GLIS3: variants seen among roughly 807,000 people sequenced by gnomAD.
The protein encoded by GLIS3 is GLIS family zinc finger 3, also known as zinc finger protein GLIS3.
GLIS3 carries 53 observed loss-of-function variants against 78.6 expected under a neutral mutation model. That is an observed-to-expected ratio of 0.67 (90% CI 0.54 to 0.85). The LOEUF (loss-of-function observed/expected upper bound fraction) is 0.85. GLIS3 is among the 40% of genes least tolerant of loss of function. The pLI, the probability that GLIS3 is intolerant of heterozygous loss-of-function variation, is 0.00. For synonymous variants in GLIS3, 684 were observed against 509.9 expected, an observed-to-expected ratio of 1.34 and a Z score of -4.60; for missense variants, 1,703 against 1,231.1, an observed-to-expected ratio of 1.38 and a Z score of -5.74.
intron 2 of GLIS3, among the ~76,000 whole-genome samples, chr9:4,164,464 T>TC (rs1463328753): frequency 2.0e-5 from 3 of 152,188 alleles, no homozygotes; most frequent in Admixed American, 2.0e-4. Flanking sequence ...AGAGGGTCCA[T>TC]CCACCCTCCA....
intron 7 of GLIS3, among the ~76,000 whole-genome samples, chr9:3,890,950 C>T (rs947584872): frequency 6.6e-6 from 1 of 151,794 alleles, no homozygotes; most frequent in African/African-American, 2.4e-5. Context: ...ATGTGAACTA[C>T]TGGCAAAGTA....
rs1816951126 is a variant in GLIS3, at chr9:4,299,715, C to G, written c.-393G>C. The stretch of plus-strand genomic sequence containing the variant: ...GCTGGACCCTCGGCATCAGCTCATT[C>G]TCCCCTGCTACACACATACACACAC... On this transcript the variant is annotated 5_prime_UTR_variant, in exon 1 of 11. Transcript: ENST00000381971. 1 of 152,462 alleles carries G rather than the reference C, an allele frequency of 6.6e-6. No individual in the cohort carries two copies. Among genetic ancestry groups the G allele is most frequent in the African/African-American group, 2.4e-5 (1 of 41,460 alleles). 9.4% of individuals were successfully genotyped at this position (152,462 alleles called of 1,614,324 possible).
chr9:3,920,991 A>G (rs1365645440), intron 6 of GLIS3, among the ~76,000 whole-genome samples: 2 of 152,158 alleles, frequency 1.3e-5, no homozygotes, highest in African/African-American at 4.8e-5. Flanking sequence ...CATTACAGTA[A>G]TTTATCCTTT....
chr9:4,012,052 G>T (rs911365322), intron 4 of GLIS3, among the ~76,000 whole-genome samples: 1 of 151,906 alleles, frequency 6.6e-6, no homozygotes, highest in Non-Finnish European at 1.5e-5. Context: ...AAACATCATG[G>T]GAAGAAAGAA....
intron 2 of GLIS3, among the ~76,000 whole-genome samples, chr9:4,163,473 C>T (rs10448175): frequency 6.6e-6 from 1 of 151,846 alleles, no homozygotes; most frequent in African/African-American, 2.4e-5. Flanking sequence ...CAAACTGAGA[C>T]GAAGTCCTCA....
At chr9:4,070,534 TTG>T (rs995021946) in intron 4 of GLIS3, among the ~76,000 whole-genome samples, 1 of 151,518 alleles carries the variant, frequency 6.6e-6, no homozygotes, top group Non-Finnish European at 1.5e-5. Flanking sequence ...GCGTAAGTAT[TTG>T]TGTGTGTGTG....
the GLIS3 span, among the ~76,000 whole-genome samples, chr9:4,483,731 A>G: frequency 6.6e-6 from 1 of 151,918 alleles, no homozygotes; most frequent in African/African-American, 2.4e-5. Context: ...GGGAAAAAAA[A>G]AAAAAAAAAA....
At chr9:3,833,026 T>C (rs541026493) in intron 9 of GLIS3, among the ~76,000 whole-genome samples, 1 of 152,138 alleles carries the variant, frequency 6.6e-6, no homozygotes, top group South Asian at 2.1e-4. Flanking sequence ...TATATGAGAG[T>C]ATAAAAGGTT....
chr9:3,876,869 CAGCAGGAGCA>C (rs1318921174), intron 8 of GLIS3, among the ~76,000 whole-genome samples: 1 of 151,464 alleles, frequency 6.6e-6, no homozygotes, highest in Non-Finnish European at 1.5e-5. Context: ...AAACCTCAAG[CAGCAGGAGCA>C]GCTAAGGAAC....
At chr9:3,966,397 G>A (rs748736903) in intron 4 of GLIS3, among the ~76,000 whole-genome samples, 1 of 151,742 alleles carries the variant, frequency 6.6e-6, no homozygotes, top group Admixed American at 6.6e-5. Context: ...AAATCAAACA[G>A]GTGTTGATAG....
the GLIS3 span, among the ~76,000 whole-genome samples, chr9:4,418,831 T>C: frequency 6.6e-6 from 1 of 152,138 alleles, no homozygotes; most frequent in Non-Finnish European, 1.5e-5. Flanking sequence ...GTGGTACAGA[T>C]GAAGAGAAAA....
At chr9:4,009,970 T>C (rs1244272351) in intron 4 of GLIS3, among the ~76,000 whole-genome samples, 1 of 152,126 alleles carries the variant, frequency 6.6e-6, no homozygotes, top group Non-Finnish European at 1.5e-5. Context: ...CTCAGCAGAG[T>C]GTGGAGCATG....
At chr9:4,196,537 A>G (rs1247117044) in intron 2 of GLIS3, among the ~76,000 whole-genome samples, 2 of 152,204 alleles carry the variant, frequency 1.3e-5, no homozygotes, top group African/African-American at 2.4e-5. Flanking sequence ...TGAGGCCAGC[A>G]AGACCACGAA....
At chr9:4,125,657 T>G (rs1320487356) in intron 3 of GLIS3, 77 bp downstream of exon 3, 3 of 969,826 alleles carry the variant, frequency 3.1e-6, no homozygotes, top group Non-Finnish European at 5.0e-6. Context: ...TGTGTGTGTA[T>G]TCAGAAAGAG....
intron 2 of GLIS3, among the ~76,000 whole-genome samples, chr9:4,242,724 G>A (rs779726762): frequency 3.7e-4 from 56 of 152,200 alleles, no homozygotes; most frequent in Middle Eastern, 3.4e-3. Flanking sequence ...ACAGAGGTGT[G>A]CTGTATAATT....
At chr9:4,195,183 G>A (rs976819466) in intron 2 of GLIS3, among the ~76,000 whole-genome samples, 1 of 152,252 alleles carries the variant, frequency 6.6e-6, no homozygotes, top group Admixed American at 6.5e-5. Flanking sequence ...CTCGGCCTCG[G>A]CGTCTGCTCT....
intron 5 of GLIS3, 94 bp downstream of exon 5, chr9:3,936,934 C>T: frequency 6.5e-7 from 1 of 1,545,990 alleles, no homozygotes. Context: ...AACCTGCAGA[C>T]CATAAAGCAA....
At chr9:4,308,281 A>T (rs1482811395) in intron 4 of GLIS3, among the ~76,000 whole-genome samples, 6 of 152,126 alleles carry the variant, frequency 3.9e-5, no homozygotes, top group Admixed American at 6.5e-5. Flanking sequence ...AGAAAGAAGA[A>T]ATAAGAGGAG....
the GLIS3 span, among the ~76,000 whole-genome samples, chr9:4,488,935 C>A: frequency 6.6e-6 from 1 of 152,046 alleles, no homozygotes; most frequent in African/African-American, 2.4e-5. Flanking sequence ...GGCTTGATCT[C>A]AGCTTACTGC....
Sources: allele counts gnomAD v4.1 joint callset (sites outside exome capture counted in the v4.1 genomes callset), GRCh38; gene constraint gnomAD v4.1.1; transcripts MANE v1.5; gene names NCBI Gene and HGNC (gene_info 2026-07-23, HGNC 2026-07-21).